The following SATB1 variants were observed in gnomAD, a reference collection of about 807,000 sequenced individuals.
SATB1 encodes the protein DNA-binding protein SATB1.
Under a neutral mutation model 86.9 loss-of-function variants are expected in SATB1, and 11 were observed. The ratio of observed to expected loss-of-function variants is 0.13; its 90% confidence interval spans 0.08 to 0.21. The LOEUF is 0.21. Ranked by LOEUF, SATB1 falls within the 10% of genes least tolerant of loss-of-function variation. The pLI, the probability that SATB1 is intolerant of heterozygous loss-of-function variation, is 1.00. For missense variants in SATB1, 551 were observed against 937.6 expected (o/e 0.59, Z 5.39); for synonymous variants, 357 against 357.2 (o/e 1.00, Z 0.01).
chr3:18,370,514 G>GAAAAA (rs1559407361), intron 9 of SATB1, among the ~76,000 whole-genome samples: 1 of 13,236 alleles, frequency 7.6e-5, no homozygotes, highest in Non-Finnish European at 1.5e-4. Flanking sequence ...ACTGAGAGAG[G>GAAAAA]CAAAAAAAAA....
intron 9 of SATB1, among the ~76,000 whole-genome samples, chr3:18,370,514 G>GAAAAAAAAAAAAAAA (rs1559407361): frequency 7.6e-5 from 1 of 13,222 alleles, no homozygotes; most frequent in Non-Finnish European, 1.5e-4. Context: ...ACTGAGAGAG[G>GAAAAAAAAAAAAAAA]CAAAAAAAAA....
At chr3:18,369,811 G>C (rs573502165) in intron 9 of SATB1, among the ~76,000 whole-genome samples, 1 of 152,286 alleles carries the variant, frequency 6.6e-6, no homozygotes. Flanking sequence ...GCTGGTAGCG[G>C]CAGTTAAATT....
rs1694270091 is a variant in SATB1, at chr3:18,349,933, G to A, written c.1780-251C>T. The A allele has an allele frequency of 1.8e-6, 1 of 545,076 alleles. No homozygotes were observed. Among genetic ancestry groups the A allele is most frequent in the Admixed American group, 3.7e-5 (1 of 27,142 alleles). 33.8% of individuals were successfully genotyped at this position (545,076 alleles called of 1,614,324 possible). A position where few individuals can be genotyped will look rare whatever the true frequency, so the allele number is the denominator to read the frequency against. ...TGCACTTACTTATCAGAGATCAGCA[G>A]AGGAAGTGAAAACTCAGTGCTCTGA... On this transcript the variant is annotated intron_variant, in intron 10 of 10. Coordinates refer to ENST00000338745, the MANE Select transcript of SATB1 (RefSeq NM_002971.6). This position sits in a 1 kb window ranked among gnomAD's most constrained non-coding sequence, Gnocchi z 5.5.
intron 10 of SATB1, chr3:18,351,397 G>A: frequency 6.5e-7 from 1 of 1,548,834 alleles, no homozygotes; most frequent in African/African-American, 1.4e-5. Context: ...CAAGGGTGGT[G>A]GGAGAGGGGC....
In SATB1 at chr3:18,349,104, A is replaced by G. The variant is rs967061417; in HGVS notation, c.*66T>C. The G allele has an allele frequency of 4.5e-6, 7 of 1,557,000 alleles. No individual in the cohort carries two copies. Among genetic ancestry groups the G allele is most frequent in the Non-Finnish European group, 6.1e-6 (7 of 1,154,736 alleles). ...CAACAAAGGTTTTCTGAGAGAAGAC[A>G]AGGTGGACTTTTCATTTTGTTAGTA... On this transcript the variant is annotated 3_prime_UTR_variant, in exon 11 of 11. Coordinates refer to ENST00000338745, the MANE Select transcript of SATB1 (RefSeq NM_002971.6). This position sits in a 1 kb window ranked among gnomAD's most constrained non-coding sequence, Gnocchi z 5.5.
At chr3:18,356,944 G>A (rs748243767) in intron 9 of SATB1, among the ~76,000 whole-genome samples, 1 of 151,386 alleles carries the variant, frequency 6.6e-6, no homozygotes, top group Non-Finnish European at 1.5e-5. Context: ...GGTATTCTCT[G>A]AGAAAAAAAG....
At chr3:18,410,979 C>T (rs1389684179) in intron 5 of SATB1, 6 of 395,052 alleles carry the variant, frequency 1.5e-5, no homozygotes, top group Admixed American at 4.4e-5. Context: ...GCTTCAGGAG[C>T]ACGAGGTAGT....
intron 2 of SATB1, among the ~76,000 whole-genome samples, chr3:18,431,724 G>C (rs1698896569): frequency 6.6e-6 from 1 of 152,004 alleles, no homozygotes; most frequent in African/African-American, 2.4e-5. Flanking sequence ...AAGCTAACCT[G>C]TTGTATGAAC....
At chr3:18,376,816 G>C (rs766570880) in intron 9 of SATB1, among the ~76,000 whole-genome samples, 4 of 152,126 alleles carry the variant, frequency 2.6e-5, no homozygotes, top group Non-Finnish European at 4.4e-5. Context: ...TGTATGACAC[G>C]CTGAGTACAG....
At chr3:18,415,071 C>T (rs1698044271) in intron 5 of SATB1, 40 bp downstream of exon 5, 2 of 1,608,560 alleles carry the variant, frequency 1.2e-6, no homozygotes, top group Non-Finnish European at 1.7e-6. Context: ...TCAGGGTTGC[C>T]CATGATGTCT....
At chr3:18,374,337 G>A (rs1695630671) in intron 9 of SATB1, among the ~76,000 whole-genome samples, 1 of 152,104 alleles carries the variant, frequency 6.6e-6, no homozygotes, top group South Asian at 2.1e-4. Context: ...TACTGTAATG[G>A]TTATTACCCA....
At chr3:18,405,896 G>C (rs2125137641) in intron 5 of SATB1, among the ~76,000 whole-genome samples, 1 of 152,024 alleles carries the variant, frequency 6.6e-6, no homozygotes, top group South Asian at 2.1e-4. Flanking sequence ...GTCACCTCTG[G>C]ATTAGATCAT....
chr3:18,425,738 G>A (rs1698666699), upstream of SATB1, among the ~76,000 whole-genome samples: 1 of 151,662 alleles, frequency 6.6e-6, no homozygotes, highest in South Asian at 2.1e-4. Context: ...GAGGAGAGGG[G>A]GCTTCCCTGG....
At chr3:18,440,629 A>G (rs1457693395), upstream of SATB1, among the ~76,000 whole-genome samples, 2 of 152,226 alleles carry the variant, frequency 1.3e-5, no homozygotes, top group Non-Finnish European at 2.9e-5. Flanking sequence ...ATTCCACACG[A>G]GGAACAGATT....
intron 3 of SATB1, among the ~76,000 whole-genome samples, chr3:18,416,385 T>C (rs566022033): frequency 2.6e-4 from 39 of 152,122 alleles, no homozygotes; most frequent in Admixed American, 1.5e-3. Flanking sequence ...ATAAAACCTA[T>C]GCATAAGGCC....
chr3:18,389,261 G>GTT (rs35192555), intron 7 of SATB1, among the ~76,000 whole-genome samples: 11,665 of 129,620 alleles, frequency 0.09, 925 homozygotes, highest in African/African-American at 0.21. Flanking sequence ...AAACCTTTGG[G>GTT]TTTTTTTTTT....
At chr3:18,395,710 AGGGAATCGTTCTGGTACAAT>A (rs1696931509) in intron 6 of SATB1, among the ~76,000 whole-genome samples, 1 of 152,226 alleles carries the variant, frequency 6.6e-6, no homozygotes, top group Non-Finnish European at 1.5e-5. Context: ...ACAATCTTGC[AGGGAATCGTTCTGGTACAAT>A]GGTGAGGCTG....
At chr3:18,363,878 C>G (rs903496112) in intron 9 of SATB1, among the ~76,000 whole-genome samples, 4 of 152,116 alleles carry the variant, frequency 2.6e-5, no homozygotes, top group African/African-American at 9.7e-5. Flanking sequence ...AATGTCTAAT[C>G]TAAAAGCAAA....
At chr3:18,436,223 A>G (rs182448936) in intron 2 of SATB1, among the ~76,000 whole-genome samples, 1 of 152,294 alleles carries the variant, frequency 6.6e-6, no homozygotes, top group Non-Finnish European at 1.5e-5. Flanking sequence ...TAATTACAGT[A>G]GTATTTATTC....
Sources: allele counts gnomAD v4.1 joint callset (sites outside exome capture counted in the v4.1 genomes callset), GRCh38; gene constraint gnomAD v4.1.1; non-coding constraint Gnocchi (gnomAD v3.1); transcripts MANE v1.5; gene names NCBI Gene and HGNC (gene_info 2026-07-23, HGNC 2026-07-21).